The following DNAJC10 variants were observed in gnomAD, a reference collection of about 807,000 sequenced individuals.
The protein encoded by DNAJC10 is DnaJ heat shock protein family (Hsp40) member C10, also known as endoplasmic reticulum disulfide reductase DNAJC10.
Under a neutral mutation model 115.0 loss-of-function variants are expected in DNAJC10, and 101 were observed. The ratio of observed to expected loss-of-function variants is 0.88; its 90% CI spans 0.75 to 1.04. The LOEUF (loss-of-function observed/expected upper bound fraction) is 1.04. Ranked by LOEUF, DNAJC10 falls within the 50% of genes least tolerant of loss-of-function variation. DNAJC10 has a pLI of 0.00. For synonymous variants in DNAJC10, 307 were observed against 301.5 expected (o/e 1.02, Z -0.19); for missense variants, 981 against 928.8 (o/e 1.06, Z -0.73).
At chr2:182,739,314 A>G (rs1335592400) in intron 11 of DNAJC10, among the ~76,000 whole-genome samples, 2 of 150,202 alleles carry the variant, frequency 1.3e-5, no homozygotes, top group African/African-American at 2.4e-5. Flanking sequence ...TTTTATTCTT[A>G]TGTTGTACCT....
Position 182,718,193 on chromosome 2 carries a change from T to G in DNAJC10, c.107T>G (p.Phe36Cys), listed in dbSNP as rs1396435749. Reference sequence around the variant, plus strand: ...ATTTTAGTGGGCACAGATCAGGATTTTTACAGTTTACTTGGAGTGTCCAAA... The same window carrying G: ...ATTTTAGTGGGCACAGATCAGGATTGTTACAGTTTACTTGGAGTGTCCAAA... The part of the protein sequence containing the change: ...MAILVGTDQD[F>C]YSLLGVSKTA... The change falls in exon 3 of 24, where the codon TTT becomes TGT. Residue 36 changes from phenylalanine (F) to cysteine (C), a missense_variant. Phe to Cys is a radical substitution (Grantham distance 205, BLOSUM62 -2). Transcript: ENST00000264065. 10 of 1,613,558 alleles carry G rather than the reference T, an allele frequency of 6.2e-6. No homozygotes were observed. Among genetic ancestry groups the G allele is most frequent in the Non-Finnish European group, 8.5e-6 (10 of 1,179,852 alleles).
intron 7 of DNAJC10, chr2:182,729,201 T>G: frequency 2.1e-6 from 1 of 481,620 alleles, no homozygotes; most frequent in South Asian, 2.3e-5. Context: ...CAGGCTGGAG[T>G]GCAAGGGTGC....
intron 10 of DNAJC10, among the ~76,000 whole-genome samples, chr2:182,733,782 C>CAGAT (rs61416628): frequency 0.3 from 42,263 of 142,282 alleles, 6,353 homozygotes; most frequent in Non-Finnish European, 0.34. Context: ...CAATCTCTCT[C>CAGAT]AGATAGATAG....
intron 14 of DNAJC10, among the ~76,000 whole-genome samples, chr2:182,745,204 G>C (rs553789713): frequency 6.6e-6 from 1 of 152,316 alleles, no homozygotes; most frequent in East Asian, 1.9e-4. Context: ...CTGGCACATA[G>C]TAAGAACTCA....
chr2:182,767,075 C>A (rs1177059796), intron 22 of DNAJC10, among the ~76,000 whole-genome samples: 1 of 152,112 alleles, frequency 6.6e-6, no homozygotes, highest in African/African-American at 2.4e-5. Flanking sequence ...TAGAAAAAAT[C>A]TCTTCCTTAT....
At chr2:182,769,119 T>G (rs1694492524) in intron 22 of DNAJC10, among the ~76,000 whole-genome samples, 1 of 152,182 alleles carries the variant, frequency 6.6e-6, no homozygotes, top group South Asian at 2.1e-4. Flanking sequence ...AATGATGGTT[T>G]CCAGCTACAT....
At chr2:182,757,514 G>C (rs1400440954) in intron 18 of DNAJC10, among the ~76,000 whole-genome samples, 178 bp from the exon 19 acceptor site, 1 of 152,054 alleles carries the variant, frequency 6.6e-6, no homozygotes, top group African/African-American at 2.4e-5. Flanking sequence ...TACAAAATTA[G>C]ATTACAAATT....
intron 19 of DNAJC10, 102 bp from the exon 20 acceptor site, chr2:182,758,735 A>C: frequency 1.2e-6 from 1 of 824,444 alleles, no homozygotes; most frequent in East Asian, 2.5e-5. Context: ...GATGAAATCA[A>C]TCAATATAAC....
intron 9 of DNAJC10, among the ~76,000 whole-genome samples, 180 bp downstream of exon 9, chr2:182,731,287 T>A: frequency 6.6e-6 from 1 of 152,084 alleles, no homozygotes; most frequent in Non-Finnish European, 1.5e-5. Context: ...ATGAGGTTAT[T>A]ATTCATTTTT....
Position 182,783,606 on chromosome 2 carries a change from G to T in DNAJC10, c.*6474G>T, listed in dbSNP as rs1204982758. 1 of 152,008 alleles carries T rather than the reference G, an allele frequency of 6.6e-6. No homozygotes were observed. The highest frequency in any genetic ancestry group is 2.4e-5 in the African/African-American group (1 of 41,374). The allele number at this position is 152,008 out of a possible 1,614,324, so 9.4% of individuals were successfully genotyped here. ...TGTTCCATTTTTCCTCTATTTTTGA[G>T]AAATCTTAGATTTATCTTTACCAGT... On this transcript the variant is annotated 3_prime_UTR_variant, in exon 24 of 24. Transcript: ENST00000264065.
intron 22 of DNAJC10, among the ~76,000 whole-genome samples, chr2:182,772,122 T>C (rs1358490885): frequency 6.6e-6 from 1 of 152,126 alleles, no homozygotes; most frequent in Non-Finnish European, 1.5e-5. Context: ...CCACTAGTTG[T>C]GTGGTTTTGA....
intron 14 of DNAJC10, among the ~76,000 whole-genome samples, chr2:182,745,134 T>TA (rs1559010473): frequency 6.6e-6 from 1 of 152,218 alleles, no homozygotes; most frequent in East Asian, 1.9e-4. Flanking sequence ...TTCCTTAGCA[T>TA]AGAAGCAATA....
Position 182,766,423 on chromosome 2 carries a change from C to T in DNAJC10, c.2265+3622C>T, listed in dbSNP as rs540976994. Among the ~76,000 whole-genome samples, 22 of 152,246 alleles carry T rather than the reference C, an allele frequency of 1.4e-4. No homozygotes were observed. In the East Asian group the frequency reaches 2.5e-3, roughly 17 times the overall value. On this transcript the variant is annotated intron_variant, in intron 22 of 23. Coordinates refer to ENST00000264065, the MANE Select transcript of DNAJC10 (RefSeq NM_018981.4). ...CTAGTAGGGGTTCATTAGTAATGCC[C>T]TTCACATGTGCAAGATTTAAATGAG...
intron 5 of DNAJC10, among the ~76,000 whole-genome samples, chr2:182,724,678 T>C (rs1693238043): frequency 6.6e-6 from 1 of 152,164 alleles, no homozygotes. Flanking sequence ...TAGAAGCTGT[T>C]AACTGGAGTT....
At chr2:182,762,349 C>T (rs773982922) in intron 21 of DNAJC10, among the ~76,000 whole-genome samples, 13 of 152,054 alleles carry the variant, frequency 8.5e-5, no homozygotes, top group Non-Finnish European at 1.9e-4. Flanking sequence ...TACCACAGCA[C>T]ACCCCCAGTG....
chr2:182,762,169 AAAGAG>A (rs1694301665), intron 21 of DNAJC10, among the ~76,000 whole-genome samples: 1 of 88,472 alleles, frequency 1.1e-5, no homozygotes, highest in Non-Finnish European at 2.3e-5. Flanking sequence ...GAAAAAAAAA[AAAGAG>A]AGAGAGCGTG....
chr2:182,724,306 G>A (rs1693227822), intron 5 of DNAJC10, among the ~76,000 whole-genome samples: 1 of 152,068 alleles, frequency 6.6e-6, no homozygotes, highest in African/African-American at 2.4e-5. Flanking sequence ...CAATAGTGCA[G>A]TTTATATTTT....
chr2:182,748,773 G>A (rs1693939437), intron 14 of DNAJC10, among the ~76,000 whole-genome samples: 1 of 152,070 alleles, frequency 6.6e-6, no homozygotes, highest in South Asian at 2.1e-4. Context: ...GATCTTTCCT[G>A]CTTTCTCTTG....
intron 14 of DNAJC10, 129 bp downstream of exon 14, chr2:182,743,841 G>C (rs1430128795): frequency 1.6e-6 from 1 of 633,178 alleles, no homozygotes; most frequent in African/African-American, 1.8e-5. Flanking sequence ...GTAAATATGA[G>C]GACAGATATT....
Sources: gnomAD v4.1 joint callset for allele counts (sites outside exome capture counted in the v4.1 genomes callset) on GRCh38, gnomAD v4.1.1 for gene constraint, MANE v1.5 for transcripts, NCBI Gene and HGNC (gene_info 2026-07-23, HGNC 2026-07-21) for gene names.